Variants in SMS observed in about 807,000 individuals in gnomAD.
SMS encodes spermidine aminopropyltransferase.
In SMS, 3 loss-of-function variants were observed where a neutral mutation model predicts 33.0. The ratio of observed to expected loss-of-function variants is 0.09; its 90% CI spans 0.04 to 0.23. The LOEUF is 0.23. Ranked by LOEUF, SMS falls within the 10% of genes least tolerant of loss-of-function variation. The pLI is 1.00. For missense variants in SMS, 117 were observed against 288.6 expected (o/e 0.41, Z 4.31); for synonymous variants, 103 against 112.2 (o/e 0.92, Z 0.52).
chrX:21,981,319 CAAAA>C (rs11373560), intron 7 of SMS, among the ~76,000 whole-genome samples: 1 of 96,682 alleles, frequency 1.0e-5, no homozygotes, highest in Non-Finnish European at 2.1e-5. Context: ...GACTCCGTCT[CAAAA>C]AAAAAAAGGA....
chrX:21,944,871 C>G (rs1187825990), intron 1 of SMS, among the ~76,000 whole-genome samples: 4 of 110,616 alleles, frequency 3.6e-5, no homozygotes, highest in Non-Finnish European at 7.6e-5. Context: ...CCCAGCTACT[C>G]TGGAGGCTGA....
intron 4 of SMS, 90 bp downstream of exon 4, chrX:21,972,661 C>T: frequency 1.6e-6 from 1 of 636,602 alleles, no homozygotes. Flanking sequence ...GTAATCCCAG[C>T]AATTTAGGAG....
At chrX:21,973,833 A>G (rs1924352512) in intron 4 of SMS, among the ~76,000 whole-genome samples, 1 of 113,378 alleles carries the variant, frequency 8.8e-6, no homozygotes, top group Non-Finnish European at 1.9e-5. Flanking sequence ...TTCATCATCC[A>G]AATTTCTATC....
intron 1 of SMS, among the ~76,000 whole-genome samples, chrX:21,948,986 A>G (rs894312834): frequency 8.9e-6 from 1 of 112,134 alleles, no homozygotes; most frequent in Non-Finnish European, 1.9e-5. Context: ...ACAGCTAGGC[A>G]CTTTTCCAGA....
At chrX:21,978,394 G>A (rs1379079611) in intron 6 of SMS, among the ~76,000 whole-genome samples, 1 of 111,335 alleles carries the variant, frequency 9.0e-6, no homozygotes, top group Non-Finnish European at 1.9e-5. Flanking sequence ...GATCGACATG[G>A]CGAAACCCTA....
rs1049061707 is a variant in SMS at position 21,994,402 on chromosome X, A to G, written c.*51A>G. The G allele has an allele frequency of 4.2e-6, 5 of 1,200,080 alleles. No homozygotes were observed. Among genetic ancestry groups the G allele is most frequent in the South Asian group, 1.8e-5 (1 of 56,728 alleles). Reference sequence around the variant, plus strand: ...GCTGCAAATAGCCTTCCTGACCTCCATATGCTGTACATGACATCAAAATGA... The same window carrying G: ...GCTGCAAATAGCCTTCCTGACCTCCGTATGCTGTACATGACATCAAAATGA... On this transcript the variant is annotated 3_prime_UTR_variant, in exon 11 of 11. Transcript: ENST00000404933.
chrX:21,956,152 T>C (rs746908270), intron 1 of SMS, among the ~76,000 whole-genome samples: 1 of 113,016 alleles, frequency 8.8e-6, no homozygotes, highest in Non-Finnish European at 1.9e-5. Flanking sequence ...CCCACATGGC[T>C]TCCCTTAGTG....
Position 21,972,566 on chromosome X carries a change from G to T in SMS, c.324G>T (p.Val108=), listed in dbSNP as rs1466853792. 2 of 1,160,924 alleles carry T rather than the reference G, an allele frequency of 1.7e-6. No homozygotes were observed. The highest frequency in any genetic ancestry group is 2.4e-6 in the Non-Finnish European group (2 of 850,805). Residue 108 remains valine (V), a synonymous_variant, in exon 4 of 11, where the codon GTG becomes GTT. Transcript: ENST00000404933. ...KELSQDSTGR[V]KRLPPIVRGG... ...TGAGTCAGGACAGTACTGGGCGGGT[G>T]AAACGGTAAGTCCACTCTTGAATGT... is the stretch of plus-strand genomic sequence containing the variant.
intron 1 of SMS, among the ~76,000 whole-genome samples, chrX:21,951,922 AAG>A (rs1160613143): frequency 5.4e-5 from 6 of 111,787 alleles, no homozygotes; most frequent in African/African-American, 9.8e-5. Context: ...AATGTAAAGA[AAG>A]AGGGGATACA....
At chrX:21,958,342 C>G (rs992029589) in intron 1 of SMS, among the ~76,000 whole-genome samples, 2 of 112,229 alleles carry the variant, frequency 1.8e-5, no homozygotes, top group African/African-American at 6.5e-5. Flanking sequence ...GTGTGGCTTG[C>G]CAGTGGAGAA....
intron 7 of SMS, among the ~76,000 whole-genome samples, chrX:21,979,998 A>G (rs2146949421): frequency 9.1e-6 from 1 of 109,871 alleles, no homozygotes; most frequent in African/African-American, 3.3e-5. Flanking sequence ...AAACCTTAGT[A>G]GTAAAAATCA....
At chrX:21,941,756 G>T (rs949679135) in intron 1 of SMS, among the ~76,000 whole-genome samples, 3 of 107,111 alleles carry the variant, frequency 2.8e-5, no homozygotes, top group African/African-American at 1.0e-4. Context: ...GTGGTGGCAC[G>T]CGCCTGTAAT....
intron 1 of SMS, among the ~76,000 whole-genome samples, chrX:21,942,399 T>C (rs1268162456): frequency 1.8e-5 from 2 of 110,219 alleles, no homozygotes; most frequent in African/African-American, 6.6e-5. Flanking sequence ...TTCTGAGCCT[T>C]CCCTGTCCAT....
At chrX:21,963,779 G>A (rs1011016548) in intron 1 of SMS, among the ~76,000 whole-genome samples, 1 of 112,166 alleles carries the variant, frequency 8.9e-6, no homozygotes, top group Non-Finnish European at 1.9e-5. Context: ...TAGATTGTTC[G>A]TTCACCAGCA....
Position 21,994,468 on chromosome X carries a change from T to C in SMS, c.*117T>C, listed in dbSNP as rs1214415472. Reference sequence around the variant, plus strand: ...GTGAATTCCTTAAAGTTTTCCTTTTTTTAATAATTATTTTTAATTTAAAAA... The same window carrying C: ...GTGAATTCCTTAAAGTTTTCCTTTTCTTAATAATTATTTTTAATTTAAAAA... On this transcript the variant is annotated 3_prime_UTR_variant, in exon 11 of 11. Transcript: ENST00000404933. 1.3e-5 allele frequency: 14 copies of C among 1,109,690 alleles called. No homozygotes were observed. Among genetic ancestry groups the C allele is most frequent in the Non-Finnish European group, 1.5e-5 (13 of 846,828 alleles). 91.5% of individuals were successfully genotyped at this position (1,109,690 alleles called of 1,213,427 possible).
chrX:21,963,485 G>C (rs1275339037), intron 1 of SMS, among the ~76,000 whole-genome samples: 1 of 112,575 alleles, frequency 8.9e-6, no homozygotes, highest in African/African-American at 3.2e-5. Context: ...GTGGGAACAA[G>C]TAATACTTCA....
At chrX:21,975,890 A>G (rs895462248) in intron 4 of SMS, among the ~76,000 whole-genome samples, 5 of 110,847 alleles carry the variant, frequency 4.5e-5, no homozygotes, top group African/African-American at 6.6e-5. Flanking sequence ...TCATAAGAGT[A>G]CGTCAGGCCG....
intron 1 of SMS, among the ~76,000 whole-genome samples, chrX:21,964,928 C>T (rs986811681): frequency 7.2e-5 from 8 of 111,677 alleles, no homozygotes; most frequent in African/African-American, 1.3e-4. Flanking sequence ...CAGATCAAAA[C>T]GTGACAGGCC....
At chrX:21,963,163 C>G (rs1923474534) in intron 1 of SMS, among the ~76,000 whole-genome samples, 1 of 112,232 alleles carries the variant, frequency 8.9e-6, no homozygotes, top group Admixed American at 9.4e-5. Flanking sequence ...TTTAAAAGCC[C>G]TGATTTGGAA....
Sources: allele counts gnomAD v4.1 joint callset (sites outside exome capture counted in the v4.1 genomes callset), GRCh38; gene constraint gnomAD v4.1.1; transcripts MANE v1.5; gene names NCBI Gene and HGNC (gene_info 2026-07-23, HGNC 2026-07-21).